Variants in NOS2 observed in about 807,000 individuals in gnomAD.
NOS2 encodes nitric oxide synthase 2.
In NOS2, 96 loss-of-function variants were observed where a neutral mutation model predicts 136.0. The ratio of observed to expected loss-of-function variants is 0.71; its 90% CI spans 0.60 to 0.84. The LOEUF (loss-of-function observed/expected upper bound fraction) is 0.84, where lower values mean the gene tolerates loss of function less well. Among genes scored for constraint, NOS2 ranks in the 40% least tolerant of loss-of-function variants. The pLI, the probability that NOS2 is intolerant of heterozygous loss-of-function variation, is 0.00. For missense variants in NOS2, 1,237 were observed against 1,496.9 expected, an observed-to-expected ratio of 0.83 and a Z score of 2.87; for synonymous variants, 539 against 587.5, an observed-to-expected ratio of 0.92 and a Z score of 1.20.
At chr17:27,758,202 A>G (rs1362125873) in intron 26 of NOS2, among the ~76,000 whole-genome samples, 1 of 152,126 alleles carries the variant, frequency 6.6e-6, no homozygotes, top group Non-Finnish European at 1.5e-5. Flanking sequence ...GAACGTATGA[A>G]TGTGTCTTAG....
intron 2 of NOS2, among the ~76,000 whole-genome samples, chr17:27,798,032 C>A (rs751025989): frequency 6.6e-6 from 1 of 152,066 alleles, no homozygotes; most frequent in Non-Finnish European, 1.5e-5. Context: ...CTGGCAAGGG[C>A]AGGTACTCAG....
chr17:27,779,052 C>A lies in NOS2; in HGVS notation c.1009G>T (p.Glu337Ter). 1 of 1,503,748 alleles carries A rather than the reference C, an allele frequency of 6.7e-7. No individual in the cohort carries two copies. The highest frequency in any genetic ancestry group is 8.9e-7 in the Non-Finnish European group (1 of 1,123,538). The allele number at this position is 1,503,748 out of a possible 1,614,324, so 93.2% of individuals were successfully genotyped here. Residue 337 changes from glutamate to a stop codon, truncating the protein, a stop_gained, in exon 10 of 27, where the codon GAG becomes TAG. Transcript: ENST00000313735. LOFTEE classifies it high-confidence loss of function. ...LEVAMEHPKY[E>*]WFRELELKWY... ...TTTAGCTCCAGTTCCCGAAACCACT[C>A]GTATCTGGCAAAAAGGTAGACACAA...
chr17:27,780,015 C>T, intron 9 of NOS2, among the ~76,000 whole-genome samples: 1 of 152,150 alleles, frequency 6.6e-6, no homozygotes, highest in East Asian at 1.9e-4. Flanking sequence ...AATGTCTAGA[C>T]TCTAGATTAT....
chr17:27,785,824 T>C (rs1295972693), intron 5 of NOS2, among the ~76,000 whole-genome samples: 2 of 151,722 alleles, frequency 1.3e-5, no homozygotes, highest in African/African-American at 2.4e-5. Flanking sequence ...CTAAGCATAG[T>C]GGTGCACACC....
In NOS2 at chr17:27,788,875, A is replaced by T. The variant is rs145346921; in HGVS notation, c.252T>A (p.His84Gln). 1.9e-6 allele frequency: 3 copies of T among 1,614,112 alleles called. No homozygotes were observed. In the African/African-American group the frequency reaches 4.0e-5, roughly 22 times the overall value. Residue 84 changes from histidine (H) to glutamine (Q), a missense_variant, in exon 4 of 27, where the codon CAT becomes CAA. By Grantham distance (24) the His-to-Gln change is conservative. Transcript: ENST00000313735. ...CGCTGCCCCAGTTTTTGATCCTCAC[A>T]TGCCGTGGGGAGGACAATGGGGTTG... is the stretch of plus-strand genomic sequence containing the variant. ...LDATPLSSPR[H>Q]VRIKNWGSGM...
At chr17:27,773,116 G>A (rs1908548451) in intron 13 of NOS2, 45 bp downstream of exon 13, 1 of 1,401,632 alleles carries the variant, frequency 7.1e-7, no homozygotes, top group Non-Finnish European at 1.0e-6. Flanking sequence ...AGAAGGGAGA[G>A]ATATAGTTCA....
At chr17:27,774,229 G>A in intron 12 of NOS2, 28 bp downstream of exon 12, 1 of 1,428,298 alleles carries the variant, frequency 7.0e-7, no homozygotes, top group Non-Finnish European at 9.2e-7. Context: ...TGAGCCCCCA[G>A]GAAGGAGAGA....
rs28944177 is a variant in NOS2 at position 27,765,748 on chromosome 17, T to C, written c.2247-32A>G. ...AAGGAAAATGAAGCCTCAGGTGACA[T>C]TGCAGGATTTCCTCCAGGGCTCCTT... On this transcript the variant is annotated intron_variant, in intron 19 of 26. Transcript: ENST00000313735. 1,368 of 1,564,196 alleles carry C rather than the reference T, an allele frequency of 8.7e-4. 10 individuals are homozygous for C. In the African/African-American group the frequency reaches 0.014, roughly 16 times the overall value.
intron 15 of NOS2, among the ~76,000 whole-genome samples, chr17:27,770,121 G>C (rs575417377): frequency 6.2e-4 from 94 of 152,296 alleles, no homozygotes; most frequent in African/African-American, 2.2e-3. Flanking sequence ...GAGCACTGGA[G>C]AGACAGTCTC....
chr17:27,759,852 G>A (rs1025887345), intron 25 of NOS2, among the ~76,000 whole-genome samples, 178 bp downstream of exon 25: 16 of 152,170 alleles, frequency 1.1e-4, no homozygotes, highest in Non-Finnish European at 1.6e-4. Flanking sequence ...CAGGTCTGTC[G>A]CTTCTGCTGT....
intron 2 of NOS2, among the ~76,000 whole-genome samples, chr17:27,796,914 G>A (rs1909371423): frequency 6.6e-6 from 1 of 152,164 alleles, no homozygotes; most frequent in Admixed American, 6.5e-5. Flanking sequence ...CAGACTGCCT[G>A]GTTTCAAAGT....
chr17:27,781,249 ACCTC>A lies in NOS2; in HGVS notation c.723-76_723-73del. 2.7e-6 allele frequency: 4 copies of A among 1,495,820 alleles called. No individual in the cohort carries two copies. In the South Asian group the frequency reaches 5.0e-5, roughly 19 times the overall value. 92.7% of individuals were successfully genotyped at this position (1,495,820 alleles called of 1,614,324 possible). A position where few individuals can be genotyped will look rare whatever the true frequency, so the allele number is the denominator to read the frequency against. Reference sequence around the variant, plus strand: ...GGCCCAGCCATCCTGCACTGGCCCTACCTCCCTCTCCACCCTACCTGCTCTGCAG... The same window carrying A: ...GGCCCAGCCATCCTGCACTGGCCCTACCTCTCCACCCTACCTGCTCTGCAG... On this transcript the variant is annotated intron_variant, in intron 7 of 26. Coordinates refer to ENST00000313735, the MANE Select transcript of NOS2 (RefSeq NM_000625.4).
At chr17:27,798,349 C>T (rs978708150) in intron 2 of NOS2, among the ~76,000 whole-genome samples, 1 of 152,170 alleles carries the variant, frequency 6.6e-6, no homozygotes, top group Non-Finnish European at 1.5e-5. Context: ...TGGACGCAGG[C>T]CAGGATGCTG....
At chr17:27,791,774 A>C (rs562665868) in intron 2 of NOS2, among the ~76,000 whole-genome samples, 1 of 136,740 alleles carries the variant, frequency 7.3e-6, no homozygotes, top group East Asian at 2.0e-4. Flanking sequence ...TGCCAGAAAA[A>C]AACAAAACAA....
At chr17:27,793,716 C>T in intron 2 of NOS2, 1 of 393,512 alleles carries the variant, frequency 2.5e-6, no homozygotes, top group Non-Finnish European at 4.5e-6. Flanking sequence ...TTAGGCGCAG[C>T]TCCGCTGGCT....
At chr17:27,779,134 G>T in intron 9 of NOS2, 78 bp from the exon 10 acceptor site, 1 of 1,122,736 alleles carries the variant, frequency 8.9e-7, no homozygotes. Flanking sequence ...TAGTGACTTG[G>T]TCTTGCTCTG....
intron 7 of NOS2, 102 bp from the exon 8 acceptor site, chr17:27,781,279 C>T (rs539021209): frequency 1.2e-5 from 16 of 1,329,258 alleles, no homozygotes; most frequent in Admixed American, 1.1e-4. Flanking sequence ...TGCTCTGCAG[C>T]CCCTGATCCC....
At chr17:27,781,966 T>A (rs1908860338) in intron 7 of NOS2, 49 bp downstream of exon 7, 2 of 1,537,676 alleles carry the variant, frequency 1.3e-6, no homozygotes, top group Admixed American at 1.7e-5. Context: ...TTGGCTAAGA[T>A]TCTCAGGCAA....
rs749392264 is a variant in NOS2 at position 27,774,322 on chromosome 17, T to C, written c.1411A>G (p.Ser471Gly). Residue 471 changes from serine (S) to glycine (G), a missense_variant, in exon 12 of 27, where the codon AGC (serine) becomes GGC (glycine). This residue lies in a region of NOS2 where 782 missense variants were observed against 909.9 expected (regional missense o/e 0.86). Coordinates refer to ENST00000313735, the MANE Select transcript of NOS2 (RefSeq NM_000625.4). ...WIWLVPPMSG[S>G]ITPVFHQEML... ...TCCTGGTGAAACACGGGGGTGATGC[T>C]CCCAGACATGGGAGGGACCAGCCAA... The C allele has an allele frequency of 4.4e-6, 7 of 1,580,202 alleles. No individual in the cohort carries two copies. In the South Asian group the frequency reaches 8.2e-5, roughly 19 times the overall value.
Sources: gnomAD v4.1 joint callset for allele counts (sites outside exome capture counted in the v4.1 genomes callset) on GRCh38, gnomAD v4.1.1 for gene constraint, gnomAD v4.1.1 regional missense constraint, MANE v1.5 for transcripts, NCBI Gene and HGNC (gene_info 2026-07-23, HGNC 2026-07-21) for gene names.